The following PCDH15 variants were observed in gnomAD, a reference collection of about 807,000 sequenced individuals.
PCDH15 encodes protocadherin related 15, also known as protocadherin-15.
PCDH15 carries 129 observed loss-of-function variants against 178.5 expected under a neutral mutation model. The observed-to-expected ratio is 0.72, with a 90% CI of 0.63 to 0.84. PCDH15 has a LOEUF of 0.84. Ranked by LOEUF, PCDH15 falls within the 40% of genes least tolerant of loss-of-function variation. The pLI, the probability that PCDH15 is intolerant of heterozygous loss-of-function variation, is 0.00. For synonymous variants in PCDH15, 800 were observed against 732.0 expected, an observed-to-expected ratio of 1.09 and a Z score of -1.50; for missense variants, 2,230 against 2,099.9, an observed-to-expected ratio of 1.06 and a Z score of -1.21.
intron 15 of PCDH15, among the ~76,000 whole-genome samples, chr10:54,099,992 A>AG (rs2094779364): frequency 6.6e-6 from 1 of 151,910 alleles, no homozygotes; most frequent in South Asian, 2.1e-4. Flanking sequence ...AAATACTTCA[A>AG]GCATCTACTT....
At chr10:54,391,718 T>G (rs1950565499) in intron 3 of PCDH15, among the ~76,000 whole-genome samples, 1 of 152,196 alleles carries the variant, frequency 6.6e-6, no homozygotes, top group Non-Finnish European at 1.5e-5. Flanking sequence ...TTTCCCTTCA[T>G]ATTCTCCTTT....
chr10:55,353,892 A>G (rs1278611734), intron 2 of PCDH15, among the ~76,000 whole-genome samples: 1 of 152,050 alleles, frequency 6.6e-6, no homozygotes, highest in African/African-American at 2.4e-5. Context: ...TCTCTCTTAT[A>G]AAAATCTTGT....
intron 2 of PCDH15, among the ~76,000 whole-genome samples, chr10:55,061,322 T>A (rs1015861058): frequency 6.6e-6 from 1 of 152,152 alleles, no homozygotes; most frequent in Non-Finnish European, 1.5e-5. Flanking sequence ...CCACATCATA[T>A]ATCACAAAGG....
rs1434170921 is a variant in PCDH15, at chr10:54,566,596, AGCCTTGTCATATT to A, written c.92-38732_92-38720del. Among the ~76,000 whole-genome samples, 3 of 152,270 alleles carry A rather than the reference AGCCTTGTCATATT, an allele frequency of 2.0e-5. No individual in the cohort carries two copies. The East Asian group carries it at 5.8e-4, about 29-fold the overall frequency. ...AAATAGGTGAAATCATAGCGTATAC[AGCCTTGTCATATT>A]GCCTTTTTCCATTTGGTATTTTGAA... On this transcript the variant is annotated intron_variant, in intron 2 of 37. Transcript: ENST00000644397.
chr10:55,320,124 G>A (rs1416065003), upstream of PCDH15, among the ~76,000 whole-genome samples: 4 of 152,066 alleles, frequency 2.6e-5, no homozygotes, highest in Non-Finnish European at 5.9e-5. Context: ...ACTTGCCCAC[G>A]GCCACACACC....
intron 8 of PCDH15, among the ~76,000 whole-genome samples, chr10:54,238,677 TCA>T (rs71476326): frequency 0.017 from 2,427 of 143,992 alleles, 34 homozygotes; most frequent in African/African-American, 0.04. Context: ...TCTCTCTCTC[TCA>T]CACACACACA....
intron 5 of PCDH15, among the ~76,000 whole-genome samples, chr10:54,347,022 A>G (rs1352345514): frequency 2.0e-5 from 3 of 152,200 alleles, no homozygotes; most frequent in Non-Finnish European, 4.4e-5. Context: ...TGAGTAGAAC[A>G]TGATCAGGTC....
At chr10:55,607,982 A>G (rs895682522) in intron 2 of PCDH15, among the ~76,000 whole-genome samples, 2 of 152,040 alleles carry the variant, frequency 1.3e-5, no homozygotes, top group African/African-American at 4.8e-5. Flanking sequence ...ATACTTTATA[A>G]TTTGAGTCAT....
At chr10:55,280,269 CTTTTT>C (rs1007536850) in intron 1 of PCDH15, among the ~76,000 whole-genome samples, 5 of 65,992 alleles carry the variant, frequency 7.6e-5, no homozygotes, top group African/African-American at 2.0e-4. Flanking sequence ...TATTTTGATT[CTTTTT>C]TTTTTTTTTT....
At chr10:55,213,681 GT>G (rs1414519338) in intron 1 of PCDH15, among the ~76,000 whole-genome samples, 1 of 150,942 alleles carries the variant, frequency 6.6e-6, no homozygotes, top group Non-Finnish European at 1.5e-5. Flanking sequence ...ATGTTTTCTT[GT>G]TTTCGCCCCA....
intron 2 of PCDH15, among the ~76,000 whole-genome samples, chr10:55,030,105 T>A (rs2131965177): frequency 6.6e-6 from 1 of 152,314 alleles, no homozygotes; most frequent in Middle Eastern, 3.4e-3. Context: ...TAAGATTTTA[T>A]AATGTTTTGG....
intron 2 of PCDH15, among the ~76,000 whole-genome samples, chr10:55,424,500 G>C (rs1345497269): frequency 6.6e-6 from 1 of 152,056 alleles, no homozygotes; most frequent in African/African-American, 2.4e-5. Context: ...TTTCTGGCTC[G>C]CAATTAGGTA....
chr10:55,168,524 T>C (rs965702871), intron 1 of PCDH15, among the ~76,000 whole-genome samples: 6 of 152,134 alleles, frequency 3.9e-5, no homozygotes, highest in South Asian at 2.1e-4. Context: ...CCCCTAGGGG[T>C]TCTGTACATT....
chr10:54,625,169 T>G (rs1486986239), intron 2 of PCDH15, among the ~76,000 whole-genome samples: 4 of 152,168 alleles, frequency 2.6e-5, no homozygotes, highest in Admixed American at 2.6e-4. Flanking sequence ...TAACTGGCAC[T>G]TACAGAAATA....
chr10:54,710,610 G>T (rs1180388803), intron 1 of PCDH15, among the ~76,000 whole-genome samples: 3 of 151,878 alleles, frequency 2.0e-5, no homozygotes, highest in African/African-American at 7.2e-5. Flanking sequence ...TTCATTTTTA[G>T]CTTTTGCTCC....
intron 19 of PCDH15, among the ~76,000 whole-genome samples, chr10:54,022,551 G>A (rs1401339512): frequency 6.6e-6 from 1 of 152,056 alleles, no homozygotes; most frequent in Non-Finnish European, 1.5e-5. Flanking sequence ...GAGGCACAAT[G>A]TGGGAGATTA....
At chr10:54,779,786 T>G (rs537183452) in intron 1 of PCDH15, among the ~76,000 whole-genome samples, 51 of 151,966 alleles carry the variant, frequency 3.4e-4, no homozygotes, top group African/African-American at 1.1e-3. Flanking sequence ...CTATCAACAT[T>G]GTCGATTTGT....
intron 25 of PCDH15, among the ~76,000 whole-genome samples, chr10:53,916,240 C>A (rs2083518242): frequency 6.6e-6 from 1 of 152,068 alleles, no homozygotes; most frequent in South Asian, 2.1e-4. Context: ...AATGCAGAAC[C>A]CATGGATACA....
intron 6 of PCDH15, among the ~76,000 whole-genome samples, chr10:54,337,713 C>G (rs1941459358): frequency 6.6e-6 from 1 of 152,114 alleles, no homozygotes; most frequent in South Asian, 2.1e-4. Context: ...TGGTTTGGGG[C>G]TTGGAAATCA....
Sources: allele counts gnomAD v4.1 joint callset (sites outside exome capture counted in the v4.1 genomes callset), GRCh38; gene constraint gnomAD v4.1.1; transcripts MANE v1.5; gene names NCBI Gene and HGNC (gene_info 2026-07-23, HGNC 2026-07-21).